CALCRL: variants seen among roughly 807,000 people sequenced by gnomAD.
The protein encoded by CALCRL is calcitonin receptor like receptor.
In CALCRL, 27 loss-of-function variants were observed where a neutral mutation model predicts 60.4. That is an observed-to-expected ratio of 0.45 (90% CI 0.33 to 0.62). The LOEUF is 0.62. Ranked by LOEUF, CALCRL falls within the 20% of genes least tolerant of loss-of-function variation. The pLI, the probability that CALCRL is intolerant of heterozygous loss-of-function variation, is 0.03. For missense variants in CALCRL, 424 were observed against 540.7 expected (o/e 0.78, Z 2.14); for synonymous variants, 190 against 182.6 (o/e 1.04, Z -0.33).
At chr2:187,384,539 T>C (rs774716979) in intron 4 of CALCRL, among the ~76,000 whole-genome samples, 6 of 152,258 alleles carry the variant, frequency 3.9e-5, no homozygotes, top group Admixed American at 1.3e-4. Flanking sequence ...CAGTGGAGGG[T>C]GTGAGCTTAA....
intron 14 of CALCRL, among the ~76,000 whole-genome samples, chr2:187,350,255 C>CT (rs1389061006): frequency 6.6e-6 from 1 of 151,592 alleles, no homozygotes; most frequent in African/African-American, 2.4e-5. Flanking sequence ...CATGCATGTT[C>CT]TTTAGCATGT....
At chr2:187,356,304 A>C (rs2105712940) in intron 12 of CALCRL, among the ~76,000 whole-genome samples, 1 of 152,346 alleles carries the variant, frequency 6.6e-6, no homozygotes, top group East Asian at 1.9e-4. Flanking sequence ...GTACCAAAAC[A>C]GATACATAGA....
intron 1 of CALCRL, among the ~76,000 whole-genome samples, chr2:187,388,455 A>T (rs1393263504): frequency 6.6e-6 from 1 of 152,058 alleles, no homozygotes; most frequent in Non-Finnish European, 1.5e-5. Context: ...TTATTAGACA[A>T]TACTCTTACA....
chr2:187,366,920 CCACA>C (rs71017389), intron 8 of CALCRL, among the ~76,000 whole-genome samples: 2 of 97,550 alleles, frequency 2.1e-5, no homozygotes, highest in African/African-American at 7.0e-5. Context: ...GAGTATAACC[CCACA>C]CACACACACA....
intron 3 of CALCRL, 148 bp from the exon 4 acceptor site, chr2:187,385,779 T>C (rs1039230063): frequency 1.7e-6 from 1 of 576,614 alleles, no homozygotes; most frequent in African/African-American, 1.9e-5. Context: ...TAAGACAAGG[T>C]CTCACTCTGT....
At chr2:187,439,300 T>A (rs1574329494) in intron 1 of CALCRL, among the ~76,000 whole-genome samples, 1 of 152,212 alleles carries the variant, frequency 6.6e-6, no homozygotes, top group East Asian at 1.9e-4. Flanking sequence ...CTGGCCAACA[T>A]GGCGAAATCC....
At position 187,426,948 on chromosome 2, in the gene CALCRL, A is replaced by T. The variant is rs546165199; in HGVS notation, c.-293+21091T>A. 2.0e-5 allele frequency among the ~76,000 whole-genome samples: 3 copies of T among 152,284 alleles called. No individual in the cohort carries two copies. In the South Asian group the frequency reaches 6.2e-4, roughly 32 times the overall value. ...CCCTATATTATTTAATGAGATGAAG[A>T]AAGGGGAAGCTCACATGTCCTTTTG... On this transcript the variant is annotated intron_variant, in intron 1 of 14. Coordinates refer to ENST00000392370, the MANE Select transcript of CALCRL (RefSeq NM_005795.6).
At chr2:187,436,262 A>G (rs1690640081) in intron 1 of CALCRL, among the ~76,000 whole-genome samples, 1 of 152,178 alleles carries the variant, frequency 6.6e-6, no homozygotes, top group African/African-American at 2.4e-5. Flanking sequence ...GCACACATGC[A>G]TCATTTAAGC....
intron 1 of CALCRL, among the ~76,000 whole-genome samples, chr2:187,400,787 A>G (rs1574278123): frequency 6.6e-6 from 1 of 151,538 alleles, no homozygotes; most frequent in East Asian, 1.9e-4. Context: ...GTAAAAAAAA[A>G]GAAACATATT....
At chr2:187,389,542 T>C (rs2105798986) in intron 1 of CALCRL, among the ~76,000 whole-genome samples, 1 of 152,276 alleles carries the variant, frequency 6.6e-6, no homozygotes, top group African/African-American at 2.4e-5. Context: ...ACTTAAAGTA[T>C]AATTTATATT....
Position 187,380,760 on chromosome 2 carries a change from C to G in CALCRL, c.212G>C (p.Gly71Ala), listed in dbSNP as rs1384060779. 1 of 1,613,998 alleles carries G rather than the reference C, an allele frequency of 6.2e-7. No individual in the cohort carries two copies. The highest frequency in any genetic ancestry group is 1.1e-5 in the South Asian group (1 of 91,068). The change falls in exon 6 of 15, where the codon GGA becomes GCA. Residue 71 changes from glycine (G) to alanine (A), a missense_variant. By Grantham distance (60) the Gly-to-Ala change is moderately conservative. This residue lies in a region of CALCRL where 108 missense variants were observed against 132.9 expected (regional missense o/e 0.81). Transcript: ENST00000392370. ...EGVYCNRTWDGWLCWNDVAAG... is the reference protein window; with the variant it reads ...EGVYCNRTWDAWLCWNDVAAG... The stretch of plus-strand genomic sequence containing the variant: ...TGCAACATCGTTCCAGCAGAGCCAT[C>G]CATCCCAGGTTCTGTTGCAGTAAAC...
At chr2:187,429,831 T>C (rs1203552012) in intron 1 of CALCRL, among the ~76,000 whole-genome samples, 1 of 152,012 alleles carries the variant, frequency 6.6e-6, no homozygotes, top group Non-Finnish European at 1.5e-5. Flanking sequence ...CCTTTCATTA[T>C]CAGCTACTTC....
chr2:187,350,271 A>C (rs1459805560), intron 14 of CALCRL, among the ~76,000 whole-genome samples: 1 of 151,730 alleles, frequency 6.6e-6, no homozygotes, highest in African/African-American at 2.4e-5. Flanking sequence ...CATGTTGTCC[A>C]TATCACTCTC....
At chr2:187,360,251 C>T (rs942787320) in intron 10 of CALCRL, among the ~76,000 whole-genome samples, 4 of 151,882 alleles carry the variant, frequency 2.6e-5, no homozygotes, top group East Asian at 1.9e-4. Flanking sequence ...TCATTTTACA[C>T]GTGGCAAAAA....
intron 3 of CALCRL, among the ~76,000 whole-genome samples, chr2:187,386,700 A>ATAAAATATAATATGCATT (rs60250967): frequency 1.3e-5 from 2 of 151,814 alleles, no homozygotes; most frequent in Non-Finnish European, 2.9e-5. Context: ...GGATGTAGCC[A>ATAAAATATAATATGCATT]TAACTAAATG....
In CALCRL at chr2:187,407,090, T is replaced by A. The variant is rs570556372; in HGVS notation, c.-292-19334A>T. On this transcript the variant is annotated intron_variant, in intron 1 of 14. Transcript: ENST00000392370. ...AGCACACTATCACACTAGATAAAGT[T>A]ACGTCTGTTTTTGTTTTGTTTTCTT... Among the ~76,000 whole-genome samples the A allele has an allele frequency of 3.2e-4, 48 of 152,166 alleles. 1 individual carries two copies. In the South Asian group the frequency reaches 1.0e-2, roughly 32 times the overall value.
At chr2:187,406,354 C>G (rs781162699) in intron 1 of CALCRL, among the ~76,000 whole-genome samples, 2 of 151,810 alleles carry the variant, frequency 1.3e-5, no homozygotes, top group Non-Finnish European at 2.9e-5. Flanking sequence ...AAACGTGTTC[C>G]TTGAAAAAAT....
At chr2:187,392,266 A>C (rs971984314) in intron 1 of CALCRL, among the ~76,000 whole-genome samples, 2 of 152,144 alleles carry the variant, frequency 1.3e-5, no homozygotes, top group African/African-American at 4.8e-5. Flanking sequence ...TACTTTTGAA[A>C]TAACTTCGAT....
At chr2:187,394,396 T>C (rs1005765489) in intron 1 of CALCRL, among the ~76,000 whole-genome samples, 15 of 152,088 alleles carry the variant, frequency 9.9e-5, no homozygotes, top group Admixed American at 7.9e-4. Flanking sequence ...AACTGACCAA[T>C]AGAACTGTGA....
Sources: gnomAD v4.1 joint callset for allele counts (sites outside exome capture counted in the v4.1 genomes callset) on GRCh38, gnomAD v4.1.1 for gene constraint, gnomAD v4.1.1 regional missense constraint, MANE v1.5 for transcripts, NCBI Gene and HGNC (gene_info 2026-07-23, HGNC 2026-07-21) for gene names.